Variants in ZNF578 observed in about 807,000 individuals in gnomAD.
ZNF578 encodes Putative chemokine-related protein B42.
ZNF578 carries 8 observed loss-of-function variants against 8.3 expected under a neutral mutation model. The ratio of observed to expected loss-of-function variants is 0.96; its 90% CI spans 0.56 to 1.74. ZNF578 has a LOEUF of 1.74. ZNF578 is among the 40% of genes most tolerant of loss of function. ZNF578 has a pLI of 0.00. For synonymous variants in ZNF578, 206 were observed against 232.2 expected (o/e 0.89, Z 1.03); for missense variants, 726 against 707.5 (o/e 1.03, Z -0.30).
chr19:52,480,935 T>TAAC (rs1343867987), intron 2 of ZNF578, among the ~76,000 whole-genome samples: 1 of 142,014 alleles, frequency 7.0e-6, no homozygotes, highest in Non-Finnish European at 1.5e-5. Context: ...ATAATAATAA[T>TAAC]AATAATAATA....
chr19:52,460,250 A>G (rs1448411616), intron 2 of ZNF578, among the ~76,000 whole-genome samples: 2 of 151,754 alleles, frequency 1.3e-5, no homozygotes, highest in Non-Finnish European at 2.9e-5. Context: ...AGTAATGGGT[A>G]TACCATTTTA....
intron 2 of ZNF578, among the ~76,000 whole-genome samples, chr19:52,479,940 C>T (rs930703717): frequency 5.3e-5 from 8 of 152,086 alleles, no homozygotes; most frequent in Non-Finnish European, 1.5e-5. Context: ...GACGCAGTCT[C>T]GCTCTGTCTC....
Position 52,510,717 on chromosome 19 carries a change from CTT to C in ZNF578, c.338_339del (p.Phe113Ter). 1 of 1,612,612 alleles carries C rather than the reference CTT, an allele frequency of 6.2e-7. No homozygotes were observed. The highest frequency in any genetic ancestry group is 1.1e-5 in the South Asian group (1 of 90,782). On this transcript the variant is annotated frameshift_variant, in exon 6 of 6. Coordinates refer to ENST00000421239, the MANE Select transcript of ZNF578 (RefSeq NM_001099694.2). LOFTEE classifies it low-confidence loss of function (END_TRUNC). ...AGGAAATTGAAAAAGATATTCATGACTTTGAGTTTCAGTCACAAAAAGATGAA... is the reference window on the plus strand; with the variant it reads ...AGGAAATTGAAAAAGATATTCATGACTGAGTTTCAGTCACAAAAAGATGAA... ...FQEIEKDIHD[F>X]EFQSQKDERN...
rs376448755 is a variant in ZNF578, at chr19:52,511,446, G to A, written c.1065G>A (p.Lys355=). ...AATGTGGAAAGTCCTTCAGTTACAA[G>A]TCATCCCTTAGATGCCATCGTAGAC... is the stretch of plus-strand genomic sequence containing the variant. ...CNECGKSFSY[K]SSLRCHRRLH... Residue 355 remains lysine, a synonymous_variant, in exon 6 of 6, where the codon AAG becomes AAA. Transcript: ENST00000421239. The A allele has an allele frequency of 1.2e-6, 2 of 1,613,948 alleles. No homozygotes were observed. The highest frequency in any genetic ancestry group is 1.3e-5 in the African/African-American group (1 of 74,902).
chr19:52,474,991 T>G (rs1465658590), intron 2 of ZNF578: 2 of 203,218 alleles, frequency 9.8e-6, no homozygotes, highest in African/African-American at 2.4e-5. Flanking sequence ...TTCTCTCCAG[T>G]ATGAATTCTC....
At chr19:52,484,215 A>G (rs1173852418) in intron 2 of ZNF578, among the ~76,000 whole-genome samples, 1 of 152,226 alleles carries the variant, frequency 6.6e-6, no homozygotes, top group Non-Finnish European at 1.5e-5. Context: ...TATTGCTGCC[A>G]GCATGTCTCA....
chr19:52,498,703 T>TTTTTTTTTTTTTAA (rs1352953674), intron 3 of ZNF578, among the ~76,000 whole-genome samples: 2 of 127,564 alleles, frequency 1.6e-5, no homozygotes, highest in Non-Finnish European at 3.3e-5. Context: ...TTTTTTTTTG[T>TTTTTTTTTTTTTAA]AAGACAGAGT....
rs566826808 is a variant in ZNF578 at position 52,515,691 on chromosome 19, T to C, written c.*3537T>C. 1.2e-3 allele frequency among the ~76,000 whole-genome samples: 185 copies of C among 151,528 alleles called. 2 individuals carry two copies. The East Asian group carries it at 0.023, about 19-fold the overall frequency. On this transcript the variant is annotated 3_prime_UTR_variant, in exon 6 of 6. Coordinates refer to ENST00000421239, the MANE Select transcript of ZNF578 (RefSeq NM_001099694.2). ...AGGTCAACCCGAGTGTCCCTGACCG[T>C]TGAAATGATTGGCAAAATGGAGTGC...
chr19:52,472,654 G>A (rs2059295653), intron 2 of ZNF578, among the ~76,000 whole-genome samples: 1 of 152,102 alleles, frequency 6.6e-6, no homozygotes. Flanking sequence ...CTATTTTGAG[G>A]TTATTTGGTA....
At chr19:52,495,986 T>G (rs1394801370) in intron 3 of ZNF578, among the ~76,000 whole-genome samples, 1 of 152,156 alleles carries the variant, frequency 6.6e-6, no homozygotes, top group Non-Finnish European at 1.5e-5. Flanking sequence ...GTTTCCTTTT[T>G]TCTAGTTCCT....
intron 2 of ZNF578, among the ~76,000 whole-genome samples, chr19:52,486,999 A>T (rs2059348122): frequency 6.7e-6 from 1 of 150,370 alleles, no homozygotes; most frequent in Non-Finnish European, 1.5e-5. Context: ...GAAGGGGAGA[A>T]TGAGAGAGAT....
intron 2 of ZNF578, among the ~76,000 whole-genome samples, chr19:52,464,760 G>A (rs2059269348): frequency 6.6e-6 from 1 of 152,204 alleles, no homozygotes; most frequent in Non-Finnish European, 1.5e-5. Context: ...GACAAACTGT[G>A]TGACTGTTTA....
At position 52,512,826 on chromosome 19, in the gene ZNF578, C is replaced by T. The variant is rs1165354560; in HGVS notation, c.*672C>T. Among the ~76,000 whole-genome samples the T allele has an allele frequency of 2.0e-5, 3 of 152,162 alleles. No individual in the cohort carries two copies. Among genetic ancestry groups the T allele is most frequent in the Non-Finnish European group, 1.5e-5 (1 of 68,042 alleles). On this transcript the variant is annotated 3_prime_UTR_variant, in exon 6 of 6. Coordinates refer to ENST00000421239, the MANE Select transcript of ZNF578 (RefSeq NM_001099694.2). ...GACATTGGAGTCAATTCAGCATTGACTTGAGTTTGTGTTGACTTAACATTG... is the reference window on the plus strand; with the variant it reads ...GACATTGGAGTCAATTCAGCATTGATTTGAGTTTGTGTTGACTTAACATTG...
chr19:52,453,911 T>C (rs2059230422), intron 1 of ZNF578: 1 of 152,296 alleles, frequency 6.6e-6, no homozygotes. Context: ...TCACGCCCAG[T>C]GGGTCCTCCA....
chr19:52,476,201 A>G (rs2059307905), intron 2 of ZNF578, among the ~76,000 whole-genome samples: 1 of 152,084 alleles, frequency 6.6e-6, no homozygotes, highest in African/African-American at 2.4e-5. Flanking sequence ...TAATGCACCC[A>G]TTGGTTTAAT....
intron 3 of ZNF578, among the ~76,000 whole-genome samples, chr19:52,497,921 G>A (rs2059392594): frequency 6.6e-6 from 1 of 152,118 alleles, no homozygotes; most frequent in African/African-American, 2.4e-5. Context: ...GGATTGACTT[G>A]GAACCTTGGT....
intron 1 of ZNF578, chr19:52,454,870 CCA>C (rs907444534): frequency 2.3e-4 from 35 of 151,878 alleles, no homozygotes; most frequent in African/African-American, 8.2e-4. Flanking sequence ...TGTAGGGAAA[CCA>C]CACATTTTCT....
Position 52,511,559 on chromosome 19 carries a change from A to C in ZNF578, c.1178A>C (p.His393Pro). The C allele has an allele frequency of 6.2e-7, 1 of 1,613,010 alleles. No homozygotes were observed. Among genetic ancestry groups the C allele is most frequent in the Middle Eastern group, 1.7e-4 (1 of 6,060 alleles). ...ACCCTTGTAATTCATAAGGCAATTCATACTGGAGAGAAACCTTACAAGTGT... is the reference window on the plus strand; with the variant it reads ...ACCCTTGTAATTCATAAGGCAATTCCTACTGGAGAGAAACCTTACAAGTGT... ...NSTLVIHKAIHTGEKPYKCNE... is the reference protein window; with the variant it reads ...NSTLVIHKAIPTGEKPYKCNE... Residue 393 changes from histidine (H) to proline (P), a missense_variant, in exon 6 of 6, where the codon CAT becomes CCT. Physicochemically the swap from His to Pro is moderately conservative, Grantham distance 77 (BLOSUM62 -2). Transcript: ENST00000421239.
At chr19:52,499,899 C>T (rs113359274) in intron 3 of ZNF578, among the ~76,000 whole-genome samples, 28,852 of 151,782 alleles carry the variant, frequency 0.19, 2,955 homozygotes, top group Non-Finnish European at 0.23. Flanking sequence ...GGTCTGTGCC[C>T]CCAGGACCTC....
Sources: gnomAD v4.1 joint callset for allele counts (sites outside exome capture counted in the v4.1 genomes callset) on GRCh38, gnomAD v4.1.1 for gene constraint, MANE v1.5 for transcripts, NCBI Gene and HGNC (gene_info 2026-07-23, HGNC 2026-07-21) for gene names.